Variants in NFIB observed in about 807,000 individuals in gnomAD.
NFIB encodes the protein nuclear factor I B.
A neutral mutation model predicts 61.5 loss-of-function variants in NFIB; 11 were observed. The ratio of observed to expected loss-of-function variants is 0.18; its 90% CI spans 0.11 to 0.30. The LOEUF (loss-of-function observed/expected upper bound fraction) is 0.30. NFIB is among the 10% of genes least tolerant of loss of function. The pLI, the probability that NFIB is intolerant of heterozygous loss-of-function variation, is 1.00. For synonymous variants in NFIB, 260 were observed against 216.5 expected (o/e 1.20, Z -1.76); for missense variants, 471 against 608.9 (o/e 0.77, Z 2.38).
intron 2 of NFIB, among the ~76,000 whole-genome samples, chr9:14,189,291 G>A (rs2047684619): frequency 6.6e-6 from 1 of 152,180 alleles, no homozygotes; most frequent in African/African-American, 2.4e-5. Flanking sequence ...TCAGGGAGCA[G>A]GACATGTTCT....
At chr9:14,183,305 T>C (rs985919712) in intron 2 of NFIB, among the ~76,000 whole-genome samples, 5 of 152,186 alleles carry the variant, frequency 3.3e-5, no homozygotes, top group African/African-American at 9.7e-5. Flanking sequence ...ACCAGCCAGT[T>C]GATGAAAATT....
intron 1 of NFIB, among the ~76,000 whole-genome samples, chr9:14,325,742 G>A (rs1285650833): frequency 6.6e-6 from 1 of 151,960 alleles, no homozygotes; most frequent in East Asian, 1.9e-4. Context: ...CAAATTTAAA[G>A]TATGTAATAA....
chr9:14,417,513 A>G, the NFIB span, among the ~76,000 whole-genome samples: 1 of 152,196 alleles, frequency 6.6e-6, no homozygotes, highest in African/African-American at 2.4e-5. Context: ...TACCAAGATG[A>G]TGGTCCAAAT....
At chr9:14,346,176 TTGCGG>T (rs1351461264) in intron 1 of NFIB, among the ~76,000 whole-genome samples, 1 of 151,614 alleles carries the variant, frequency 6.6e-6, no homozygotes, top group East Asian at 2.0e-4. Context: ...GGAAAGAGAC[TTGCGG>T]TGGGCGCCGG....
At chr9:14,459,703 C>A in the NFIB span, among the ~76,000 whole-genome samples, 9 of 152,056 alleles carry the variant, frequency 5.9e-5, no homozygotes, top group East Asian at 1.9e-4. Context: ...AAAAAGCGGG[C>A]GAAGGATATG....
At chr9:14,418,666 A>G in the NFIB span, among the ~76,000 whole-genome samples, 28 of 152,294 alleles carry the variant, frequency 1.8e-4, no homozygotes, top group African/African-American at 6.0e-4. Flanking sequence ...GAGCTCTCAT[A>G]TGAAGTCCAA....
the NFIB span, among the ~76,000 whole-genome samples, chr9:14,432,468 C>G: frequency 1.3e-5 from 2 of 152,180 alleles, no homozygotes; most frequent in Admixed American, 1.3e-4. Context: ...GAATTCTGAC[C>G]AACACAATCT....
chr9:14,297,343 AAG>A (rs2059501391), intron 2 of NFIB, among the ~76,000 whole-genome samples: 1 of 152,192 alleles, frequency 6.6e-6, no homozygotes. Context: ...TTTACAGGAG[AAG>A]AGAGAAAAAC....
At chr9:14,259,086 C>T (rs779732921) in intron 2 of NFIB, among the ~76,000 whole-genome samples, 1 of 152,176 alleles carries the variant, frequency 6.6e-6, no homozygotes, top group Non-Finnish European at 1.5e-5. Context: ...GCACATAAGG[C>T]TCGTGAGAAT....
intron 1 of NFIB, among the ~76,000 whole-genome samples, chr9:14,397,975 C>G (rs2061704325): frequency 6.6e-6 from 1 of 152,064 alleles, no homozygotes; most frequent in Admixed American, 6.6e-5. Context: ...TAGTAATGGC[C>G]TCCATTCATT....
chr9:14,376,716 C>G (rs2061424266), intron 1 of NFIB, among the ~76,000 whole-genome samples: 2 of 152,010 alleles, frequency 1.3e-5, no homozygotes, highest in African/African-American at 4.8e-5. Context: ...CAGGGTTTCA[C>G]CATGTTGGCC....
chr9:14,267,016 T>C (rs1011297157), intron 2 of NFIB, among the ~76,000 whole-genome samples: 1 of 152,036 alleles, frequency 6.6e-6, no homozygotes, highest in Non-Finnish European at 1.5e-5. Context: ...AAAACAAATT[T>C]TGGGCTGTGA....
chr9:14,514,941 T>C, the NFIB span, among the ~76,000 whole-genome samples: 1 of 152,108 alleles, frequency 6.6e-6, no homozygotes, highest in South Asian at 2.1e-4. Context: ...GGCTAAGATA[T>C]TATATCTCCT....
the NFIB span, among the ~76,000 whole-genome samples, chr9:14,457,332 T>C: frequency 1.6e-4 from 24 of 152,270 alleles, no homozygotes; most frequent in African/African-American, 4.8e-4. Context: ...AAAAAAATGA[T>C]AGTTTAGTTT....
intron 2 of NFIB, among the ~76,000 whole-genome samples, chr9:14,286,327 C>G (rs916512436): frequency 6.6e-6 from 1 of 152,136 alleles, no homozygotes; most frequent in Non-Finnish European, 1.5e-5. Context: ...TTAGGAGCAG[C>G]GCAGAGTCCA....
intron 2 of NFIB, among the ~76,000 whole-genome samples, chr9:14,196,987 T>G (rs2048541059): frequency 6.6e-6 from 1 of 152,180 alleles, no homozygotes; most frequent in South Asian, 2.1e-4. Flanking sequence ...CAAAATCCAT[T>G]TCATATACAT....
the NFIB span, among the ~76,000 whole-genome samples, chr9:14,495,339 G>A: frequency 0.16 from 23,960 of 151,752 alleles, 2,101 homozygotes; most frequent in East Asian, 0.32. Context: ...AGCTAATCTC[G>A]CACATTGCAA....
At chr9:14,369,263 T>C (rs954842649) in intron 1 of NFIB, among the ~76,000 whole-genome samples, 1 of 152,198 alleles carries the variant, frequency 6.6e-6, no homozygotes, top group Non-Finnish European at 1.5e-5. Context: ...CCCAATCTTA[T>C]TGTATTAAAG....
At chr9:14,102,862 T>C (rs1192348602) in intron 10 of NFIB, among the ~76,000 whole-genome samples, 1 of 152,146 alleles carries the variant, frequency 6.6e-6, no homozygotes, top group Non-Finnish European at 1.5e-5. Context: ...ATAAAAATGC[T>C]TTTTTTCTAT....
Sources: allele counts gnomAD v4.1 joint callset (sites outside exome capture counted in the v4.1 genomes callset), GRCh38; gene constraint gnomAD v4.1.1; transcripts MANE v1.5; gene names NCBI Gene and HGNC (gene_info 2026-07-23, HGNC 2026-07-21).